The following DCLK1 variants were observed in gnomAD, a reference collection of about 807,000 sequenced individuals.
DCLK1 encodes serine/threonine-protein kinase DCLK1.
A neutral mutation model predicts 86.2 loss-of-function variants in DCLK1; 16 were observed. The ratio of observed to expected loss-of-function variants is 0.19; its 90% CI spans 0.13 to 0.28. DCLK1 has a LOEUF of 0.28. DCLK1 is among the 10% of genes least tolerant of loss of function. The pLI, the probability that DCLK1 is intolerant of heterozygous loss-of-function variation, is 1.00. For synonymous variants in DCLK1, 369 were observed against 370.5 expected (o/e 1.00, Z 0.05); for missense variants, 590 against 940.2 (o/e 0.63, Z 4.87).
intron 6 of DCLK1, among the ~76,000 whole-genome samples, chr13:35,842,347 G>A (rs1021599197): frequency 1.3e-5 from 2 of 151,432 alleles, no homozygotes; most frequent in African/African-American, 2.4e-5. Flanking sequence ...CCCAGTACAG[G>A]TCTAATCCAC....
chr13:36,045,299 A>AAT (rs1240305999), intron 3 of DCLK1, among the ~76,000 whole-genome samples: 5 of 127,520 alleles, frequency 3.9e-5, no homozygotes, highest in East Asian at 2.4e-4. Flanking sequence ...ATAATCGTCT[A>AAT]ATATATATAT....
chr13:36,111,748 G>A lies in DCLK1; in HGVS notation c.723+121C>T, dbSNP rs905890989. On this transcript the variant is annotated intron_variant, in intron 3 of 16. Transcript: ENST00000360631. ...TTCTAGGGCCAGCAAGTACATATTT[G>A]TTGATCAAGTGACCCAGGCCCTTTA... The A allele has an allele frequency of 1.2e-5, 9 of 778,514 alleles. No individual in the cohort carries two copies. In the African/African-American group the frequency reaches 1.6e-4, roughly 13 times the overall value. 48.2% of individuals were successfully genotyped at this position (778,514 alleles called of 1,614,324 possible). A position where few individuals can be genotyped will look rare whatever the true frequency, so the allele number is the denominator to read the frequency against.
chr13:35,994,444 C>A (rs1880385774), intron 3 of DCLK1, among the ~76,000 whole-genome samples: 1 of 152,212 alleles, frequency 6.6e-6, no homozygotes, highest in Non-Finnish European at 1.5e-5. Context: ...CCTCAAACCA[C>A]ATATTCTTAG....
chr13:36,045,342 A>C (rs976780362), intron 3 of DCLK1, among the ~76,000 whole-genome samples: 1,958 of 69,468 alleles, frequency 0.028, 79 homozygotes, highest in East Asian at 0.19. Flanking sequence ...GTATATATAT[A>C]TATATATATA....
chr13:36,090,705 T>C (rs1473625120), intron 3 of DCLK1, among the ~76,000 whole-genome samples: 1 of 152,018 alleles, frequency 6.6e-6, no homozygotes, highest in Non-Finnish European at 1.5e-5. Flanking sequence ...TCCCAAAACA[T>C]TTCTGGGCAG....
chr13:36,109,995 A>G, intron 3 of DCLK1, among the ~76,000 whole-genome samples: 1 of 152,356 alleles, frequency 6.6e-6, no homozygotes, highest in Non-Finnish European at 1.5e-5. Flanking sequence ...TTAGATTCAG[A>G]GTAGCATTTT....
chr13:35,989,162 A>G (rs1880089299), intron 3 of DCLK1, among the ~76,000 whole-genome samples: 1 of 152,154 alleles, frequency 6.6e-6, no homozygotes, highest in African/African-American at 2.4e-5. Context: ...TGAATTGACT[A>G]TCTCCCCTTT....
chr13:35,980,226 C>T (rs985759477), intron 3 of DCLK1, among the ~76,000 whole-genome samples: 5 of 152,136 alleles, frequency 3.3e-5, no homozygotes, highest in East Asian at 1.9e-4. Flanking sequence ...GAGGCCAAGG[C>T]GGGAGGATTG....
chr13:36,108,298 T>C (rs1031156545), intron 3 of DCLK1, among the ~76,000 whole-genome samples: 1 of 152,240 alleles, frequency 6.6e-6, no homozygotes, highest in African/African-American at 2.4e-5. Context: ...AGGCTGCTTA[T>C]GAACCACAAC....
intron 3 of DCLK1, among the ~76,000 whole-genome samples, chr13:35,987,428 G>C (rs759111908): frequency 2.0e-5 from 3 of 152,060 alleles, no homozygotes; most frequent in Admixed American, 6.5e-5. Context: ...TCTACTGAGA[G>C]CAGTGAGGCG....
chr13:35,805,669 A>T, intron 15 of DCLK1, 30 bp downstream of exon 15: 7 of 1,593,094 alleles, frequency 4.4e-6, no homozygotes, highest in Non-Finnish European at 6.0e-6. Flanking sequence ...ATGTTAGGAG[A>T]GAACAAAGGA....
At chr13:36,054,872 C>T (rs543183750) in intron 3 of DCLK1, among the ~76,000 whole-genome samples, 34 of 152,276 alleles carry the variant, frequency 2.2e-4, no homozygotes, top group Admixed American at 1.4e-3. Context: ...AGTTACACAA[C>T]TAACAAGTTG....
intron 5 of DCLK1, among the ~76,000 whole-genome samples, chr13:35,867,963 A>AAGAG (rs1555345767): frequency 0.017 from 2,247 of 134,842 alleles, 59 homozygotes; most frequent in African/African-American, 0.031. Context: ...GAAAGAAAGA[A>AAGAG]AGAGAAAAAG....
chr13:36,055,573 T>C (rs2153158009), intron 3 of DCLK1, among the ~76,000 whole-genome samples: 1 of 152,266 alleles, frequency 6.6e-6, no homozygotes, highest in African/African-American at 2.4e-5. Flanking sequence ...TTTTGACGGG[T>C]TCCTGGAGAA....
intron 14 of DCLK1, 60 bp downstream of exon 14, chr13:35,808,164 G>C (rs922077054): frequency 2.0e-6 from 3 of 1,479,920 alleles, no homozygotes; most frequent in African/African-American, 2.8e-5. Context: ...CAATGATTTG[G>C]AAAAATAATT....
intron 4 of DCLK1, among the ~76,000 whole-genome samples, chr13:35,877,735 C>T (rs998863922): frequency 2.0e-5 from 3 of 152,160 alleles, no homozygotes; most frequent in African/African-American, 2.4e-5. Context: ...TTTGTGCTTT[C>T]TACCATACCC....
intron 3 of DCLK1, among the ~76,000 whole-genome samples, chr13:35,963,078 A>T (rs1461087544): frequency 6.6e-6 from 1 of 152,244 alleles, no homozygotes; most frequent in African/African-American, 2.4e-5. Flanking sequence ...CTTGCACTGC[A>T]GCGAATCAGC....
At chr13:35,943,280 A>T (rs1190845218) in intron 4 of DCLK1, among the ~76,000 whole-genome samples, 4 of 152,152 alleles carry the variant, frequency 2.6e-5, no homozygotes, top group African/African-American at 9.7e-5. Flanking sequence ...CTTGGAAGAG[A>T]TGAGGACGGA....
At chr13:36,026,841 A>C (rs1053690880) in intron 3 of DCLK1, among the ~76,000 whole-genome samples, 3 of 152,216 alleles carry the variant, frequency 2.0e-5, no homozygotes, top group Admixed American at 2.0e-4. Flanking sequence ...AGTATAATGC[A>C]GTTGATGGTT....
Sources: allele counts gnomAD v4.1 joint callset (sites outside exome capture counted in the v4.1 genomes callset), GRCh38; gene constraint gnomAD v4.1.1; transcripts MANE v1.5; gene names NCBI Gene and HGNC (gene_info 2026-07-23, HGNC 2026-07-21).